Variants in TACC1 observed in about 807,000 individuals in gnomAD.
TACC1 encodes the protein transforming acidic coiled-coil containing protein 1, also known as transforming acidic coiled-coil-containing protein 1.
A neutral mutation model predicts 84.4 loss-of-function variants in TACC1; 48 were observed. That is an observed-to-expected ratio of 0.57 (90% CI 0.45 to 0.72). TACC1 has a LOEUF of 0.72. TACC1 is among the 30% of genes least tolerant of loss of function. The probability of loss-of-function intolerance (pLI) is 0.00; values close to 1 mark genes in which losing one functional copy is unlikely to be tolerated. For missense variants in TACC1, 920 were observed against 973.0 expected (o/e 0.95, Z 0.72); for synonymous variants, 372 against 376.3 (o/e 0.99, Z 0.13).
intron 9 of TACC1, 141 bp downstream of exon 9, chr8:38,840,408 A>C (rs1175570437): frequency 8.7e-6 from 6 of 686,982 alleles, no homozygotes; most frequent in African/African-American, 1.8e-5. Flanking sequence ...GGAGAGTTCA[A>C]GGTGCCCACA....
chr8:38,823,536 A>G (rs1024733023), intron 3 of TACC1, among the ~76,000 whole-genome samples: 51 of 152,364 alleles, frequency 3.3e-4, no homozygotes, highest in Admixed American at 2.5e-3. Flanking sequence ...TCTACACTTT[A>G]TATTCGGCAG....
chr8:38,761,084 T>C (rs1811123667), intron 3 of TACC1, among the ~76,000 whole-genome samples: 1 of 152,212 alleles, frequency 6.6e-6, no homozygotes, highest in Admixed American at 6.5e-5. Flanking sequence ...CATTTTTCAC[T>C]TCCATTTTCC....
At chr8:38,829,791 T>C (rs1828852483) in intron 5 of TACC1, among the ~76,000 whole-genome samples, 1 of 152,194 alleles carries the variant, frequency 6.6e-6, no homozygotes, top group East Asian at 1.9e-4. Context: ...GGAACATATT[T>C]AAACAAGTGG....
chr8:38,772,215 A>T (rs769725483), intron 3 of TACC1, among the ~76,000 whole-genome samples: 1 of 152,208 alleles, frequency 6.6e-6, no homozygotes, highest in Non-Finnish European at 1.5e-5. Flanking sequence ...CTCAGTATTG[A>T]TTAAGGTTTA....
chr8:38,778,456 T>C (rs1029748522), intron 3 of TACC1, among the ~76,000 whole-genome samples: 2 of 152,222 alleles, frequency 1.3e-5, no homozygotes, highest in East Asian at 3.8e-4. Flanking sequence ...CCTCGCTCCA[T>C]AAATGGACAT....
At chr8:38,787,195 T>TCCGGCGGCAGCTGATGCGCGCC, upstream of TACC1, 3 of 987,764 alleles carry the variant, frequency 3.0e-6, no homozygotes, top group Non-Finnish European at 3.6e-6. Context: ...GGGGCGCGGC[T>TCCGGCGGCAGCTGATGCGCGCC]CCGGCGGCAG....
chr8:38,745,520 G>A, intron 3 of TACC1: 1 of 681,232 alleles, frequency 1.5e-6, no homozygotes, highest in Non-Finnish European at 2.6e-6. Flanking sequence ...TTGTTTTCTT[G>A]TTTTTTTTCT....
intron 3 of TACC1, among the ~76,000 whole-genome samples, chr8:38,749,021 A>G (rs1808551517): frequency 6.6e-6 from 1 of 152,138 alleles, no homozygotes; most frequent in Non-Finnish European, 1.5e-5. Context: ...CTTTGAAAAA[A>G]CTAATAAAAT....
At chr8:38,756,042 T>C (rs1366822693) in intron 3 of TACC1, among the ~76,000 whole-genome samples, 1 of 151,964 alleles carries the variant, frequency 6.6e-6, no homozygotes, top group African/African-American at 2.4e-5. Flanking sequence ...CTCTAACTCC[T>C]GACCTCAGGT....
intron 1 of TACC1, 44 bp downstream of exon 1, chr8:38,787,787 C>G (rs1312354264): frequency 6.9e-7 from 1 of 1,459,422 alleles, no homozygotes; most frequent in African/African-American, 1.5e-5. Context: ...GCGCTTGCCT[C>G]CATCCATCTG....
chr8:38,825,729 T>G (rs188899901), intron 4 of TACC1, among the ~76,000 whole-genome samples: 37 of 152,302 alleles, frequency 2.4e-4, no homozygotes, highest in African/African-American at 8.9e-4. Flanking sequence ...AGTCAGATGG[T>G]TTTCTAATTC....
chr8:38,815,822 A>G (rs1274684856), intron 2 of TACC1, among the ~76,000 whole-genome samples: 2 of 152,136 alleles, frequency 1.3e-5, no homozygotes, highest in East Asian at 3.8e-4. Flanking sequence ...CAAAATAACT[A>G]AATCAGAGTC....
intron 1 of TACC1, among the ~76,000 whole-genome samples, chr8:38,739,267 T>C (rs1806606184): frequency 6.6e-6 from 1 of 152,252 alleles, no homozygotes; most frequent in Non-Finnish European, 1.5e-5. Flanking sequence ...TTCATTGTCA[T>C]ATGGGTCACT....
At chr8:38,793,029 C>G (rs1254624006) in intron 2 of TACC1, among the ~76,000 whole-genome samples, 1 of 152,168 alleles carries the variant, frequency 6.6e-6, no homozygotes, top group African/African-American at 2.4e-5. Flanking sequence ...CCCCCCTTCC[C>G]CAAACACACA....
At chr8:38,808,062 CTG>C (rs1359978623) in intron 2 of TACC1, among the ~76,000 whole-genome samples, 1 of 152,220 alleles carries the variant, frequency 6.6e-6, no homozygotes. Context: ...TGGATTTCCT[CTG>C]TGTTTGCTTT....
In TACC1 at chr8:38,788,113, C is replaced by A. The variant is rs62505820; in HGVS notation, c.161+370C>A. 3.3e-3 allele frequency: 733 copies of A among 223,914 alleles called. 4 individuals are homozygous for A. Among genetic ancestry groups the A allele is most frequent in the Middle Eastern group, 9.4e-3 (6 of 640 alleles). 13.9% of individuals were successfully genotyped at this position (223,914 alleles called of 1,614,324 possible). A position where few individuals can be genotyped will look rare whatever the true frequency, so the allele number is the denominator to read the frequency against. Reference sequence around the variant, plus strand: ...GCCCCCCCGTGGGGAAGAAGTCGCTCCCCGGCCCTTCCCGGGGCCCTACCG... The same window carrying A: ...GCCCCCCCGTGGGGAAGAAGTCGCTACCCGGCCCTTCCCGGGGCCCTACCG... On this transcript the variant is annotated intron_variant, in intron 1 of 12. Coordinates refer to ENST00000317827, the MANE Select transcript of TACC1 (RefSeq NM_006283.3).
intron 1 of TACC1, chr8:38,788,307 G>A (rs1587687354): frequency 5.6e-6 from 1 of 179,720 alleles, no homozygotes; most frequent in Non-Finnish European, 1.2e-5. Context: ...GGCCTACCGA[G>A]CAAAGAGGAA....
At chr8:38,841,556 T>G (rs1831275891) in intron 9 of TACC1, among the ~76,000 whole-genome samples, 1 of 152,050 alleles carries the variant, frequency 6.6e-6, no homozygotes, top group Non-Finnish European at 1.5e-5. Context: ...GAGGATAGAT[T>G]TTAGGATTAC....
Position 38,819,734 on chromosome 8 carries a change from G to T in TACC1, c.490G>T (p.Ala164Ser). ...IETKDSTDIS[A>S]VLGTKAAHGC... is the part of the protein sequence containing the mutation. ...AACGAAGGATTCCACGGATATCTCG[G>T]CAGTCCTCGGAACAAAAGCAGCTCA... Residue 164 changes from alanine to serine, a missense_variant, in exon 3 of 13, where the codon GCA (alanine) becomes TCA (serine). By Grantham distance (99) the Ala-to-Ser change is moderately conservative. Around this residue, in one of 2 missense-constraint regions of TACC1, gnomAD observed 762 missense variants for 747.3 expected, o/e 1.02. Coordinates refer to ENST00000317827, the MANE Select transcript of TACC1 (RefSeq NM_006283.3). 6.2e-7 allele frequency: 1 copy of T among 1,614,090 alleles called. No individual in the cohort carries two copies. Among genetic ancestry groups the T allele is most frequent in the Non-Finnish European group, 8.5e-7 (1 of 1,180,030 alleles).
Sources: allele counts gnomAD v4.1 joint callset (sites outside exome capture counted in the v4.1 genomes callset), GRCh38; gene constraint gnomAD v4.1.1; regional missense constraint gnomAD v4.1.1; transcripts MANE v1.5; gene names NCBI Gene and HGNC (gene_info 2026-07-23, HGNC 2026-07-21).